FOXN3: variants seen among roughly 807,000 people sequenced by gnomAD.
FOXN3 encodes forkhead box N3, also known as forkhead box protein N3.
A neutral mutation model predicts 38.4 loss-of-function variants in FOXN3; 7 were observed. That is an observed-to-expected ratio of 0.18 (90% confidence interval 0.10 to 0.34). The LOEUF (loss-of-function observed/expected upper bound fraction) is 0.34, where lower values mean the gene tolerates loss of function less well. Ranked by LOEUF, FOXN3 falls within the 10% of genes least tolerant of loss-of-function variation. The pLI is 1.00. For missense variants in FOXN3, 456 were observed against 613.4 expected (o/e 0.74, Z 2.71); for synonymous variants, 230 against 242.2 (o/e 0.95, Z 0.47).
rs1408136720 is a variant in FOXN3 at position 89,357,147 on chromosome 14, C to CT, written c.544-6340dup. Among the ~76,000 whole-genome samples the CT allele has an allele frequency of 3.9e-5, 6 of 152,066 alleles. No individual in the cohort carries two copies. The East Asian group carries it at 1.2e-3, about 29-fold the overall frequency. ...AGAAGGACAGCATGAGTCCGGGAGT[C>CT]TGAGACCAGCCTGGGCAATACAGTG... is the stretch of plus-strand genomic sequence containing the variant. On this transcript the variant is annotated intron_variant, in intron 2 of 5. Coordinates refer to ENST00000557258, the MANE Select transcript of FOXN3 (RefSeq NM_005197.4).
At chr14:89,483,078 G>C (rs756031435) in intron 1 of FOXN3, among the ~76,000 whole-genome samples, 2 of 152,016 alleles carry the variant, frequency 1.3e-5, no homozygotes, top group African/African-American at 4.8e-5. Context: ...GTGGTGGCGC[G>C]CTTCTGTAAT....
intron 4 of FOXN3, among the ~76,000 whole-genome samples, chr14:89,241,964 C>A (rs1885153543): frequency 6.6e-6 from 1 of 152,212 alleles, no homozygotes; most frequent in Non-Finnish European, 1.5e-5. Context: ...CTCCCCCGGA[C>A]AAGGCGTCAG....
At chr14:89,423,476 A>G (rs529495806) in intron 1 of FOXN3, among the ~76,000 whole-genome samples, 6 of 152,332 alleles carry the variant, frequency 3.9e-5, no homozygotes, top group African/African-American at 1.4e-4. Flanking sequence ...TGTGTGTAAA[A>G]TCAGGGGTCA....
intron 2 of FOXN3, among the ~76,000 whole-genome samples, chr14:89,386,212 C>T (rs1890785649): frequency 6.6e-6 from 1 of 152,182 alleles, no homozygotes; most frequent in South Asian, 2.1e-4. Context: ...AATTAACCAA[C>T]CAAAAATTAT....
intron 4 of FOXN3, among the ~76,000 whole-genome samples, chr14:89,269,262 G>A (rs967956879): frequency 6.6e-6 from 1 of 152,060 alleles, no homozygotes; most frequent in Non-Finnish European, 1.5e-5. Flanking sequence ...TGTATGCTGC[G>A]GTGACCATGA....
At position 89,156,635 on chromosome 14, in the gene FOXN3, CTTTT is replaced by C. The variant is rs879747358; in HGVS notation, c.*5775_*5778del. On this transcript the variant is annotated 3_prime_UTR_variant, in exon 6 of 6. Coordinates refer to ENST00000557258, the MANE Select transcript of FOXN3 (RefSeq NM_005197.4). ...TCTTGGTCTTCTGATTGCTTTATCA[CTTTT>C]TTTTTTTTTCTGTAAAACAAAACAA... The C allele has an allele frequency of 4.1e-5, 6 of 145,246 alleles. No homozygotes were observed. Among genetic ancestry groups the C allele is most frequent in the Non-Finnish European group, 6.1e-5 (4 of 66,030 alleles). 9.0% of individuals were successfully genotyped at this position (145,246 alleles called of 1,614,324 possible). A position where few individuals can be genotyped will look rare whatever the true frequency, so the allele number is the denominator to read the frequency against.
intron 4 of FOXN3, among the ~76,000 whole-genome samples, chr14:89,254,103 T>C (rs1270123285): frequency 6.6e-6 from 1 of 152,174 alleles, no homozygotes; most frequent in Non-Finnish European, 1.5e-5. Flanking sequence ...GAGCAGGTAC[T>C]TGCCCCTGTG....
At chr14:89,416,162 A>G (rs1183441035) in intron 1 of FOXN3, among the ~76,000 whole-genome samples, 2 of 152,246 alleles carry the variant, frequency 1.3e-5, no homozygotes, top group South Asian at 2.1e-4. Flanking sequence ...ACTCTCGTCT[A>G]CTGTACTTGT....
At position 89,350,690 on chromosome 14, in the gene FOXN3, C is replaced by T; in HGVS notation, c.662G>A (p.Cys221Tyr). The T allele has an allele frequency of 1.3e-6, 2 of 1,553,806 alleles. No individual in the cohort carries two copies. Among genetic ancestry groups the T allele is most frequent in the Non-Finnish European group, 1.7e-6 (2 of 1,157,290 alleles). ...TGCTTACCTTTGATATGCCTGAGGA[C>T]AGGTGGGAGGTGTATTGAACACGTG... ...HPHVFNTPPT[C>Y]PQAYQSTSGP... Residue 221 changes from cysteine to tyrosine, a missense_variant, in exon 3 of 6, where the codon TGT becomes TAT. Transcript: ENST00000557258.
rs1018875073 is a variant in FOXN3, at chr14:89,407,725, C to G, written c.543+4209G>C. Among the ~76,000 whole-genome samples the G allele has an allele frequency of 5.9e-5, 9 of 152,160 alleles. No homozygotes were observed. In the South Asian group the frequency reaches 6.2e-4, roughly 11 times the overall value. On this transcript the variant is annotated intron_variant, in intron 2 of 5. Coordinates refer to ENST00000557258, the MANE Select transcript of FOXN3 (RefSeq NM_005197.4). ...ATGGTGGTATGTACTTGTAGTCCCC[C>G]CTTCGGAGGCTAAGGCTAAGGCTTG...
In FOXN3 at chr14:89,246,560, T is replaced by TTTTTTTC. The variant is rs397934554; in HGVS notation, c.745+34389_745+34390insGAAAAAA. On this transcript the variant is annotated intron_variant, in intron 4 of 5. Coordinates refer to ENST00000557258, the MANE Select transcript of FOXN3 (RefSeq NM_005197.4). The stretch of plus-strand genomic sequence containing the variant: ...GATGCGGCTTTTTTTTTTTTTTTTT[T>TTTTTTTC]GAGACAGTCTCACTCTGTTGCCAGG... Among the ~76,000 whole-genome samples the TTTTTTTC allele has an allele frequency of 2.0e-5, 3 of 148,238 alleles. No individual in the cohort carries two copies. In the Admixed American group the frequency reaches 2.0e-4, roughly 10 times the overall value.
chr14:89,619,068 T>G lies in FOXN3; in HGVS notation c.-55A>C, dbSNP rs1378041264. The G allele has an allele frequency of 3.3e-5, 5 of 152,322 alleles. No individual in the cohort carries two copies. The East Asian group carries it at 7.7e-4, about 24-fold the overall frequency. The allele number at this position is 152,322 out of a possible 1,614,324, so 9.4% of individuals were successfully genotyped here. A position where few individuals can be genotyped will look rare whatever the true frequency, so the allele number is the denominator to read the frequency against. On this transcript the variant is annotated 5_prime_UTR_variant, in exon 1 of 7. Transcript: ENST00000345097. ...CCCCCGCTGCTTCTCGCGGCCGCAT[T>G]GGGGGGCTGCGGCGACGCTGGACTC...
chr14:89,530,690 A>G (rs1233006105), intron 1 of FOXN3, among the ~76,000 whole-genome samples: 3 of 151,342 alleles, frequency 2.0e-5, no homozygotes, highest in Non-Finnish European at 4.4e-5. Flanking sequence ...GCTCACTGCA[A>G]CCTCCGTCTC....
chr14:89,352,943 C>T (rs879477396), intron 2 of FOXN3, among the ~76,000 whole-genome samples: 6 of 152,148 alleles, frequency 3.9e-5, no homozygotes, highest in East Asian at 1.9e-4. Context: ...GAGCGGAGAT[C>T]GCACCATTTG....
intron 1 of FOXN3, among the ~76,000 whole-genome samples, chr14:89,518,581 G>A (rs1199332839): frequency 6.6e-6 from 1 of 152,216 alleles, no homozygotes; most frequent in Non-Finnish European, 1.5e-5. Context: ...TTTGTTTGAA[G>A]GGGGTCTCTA....
At chr14:89,291,056 T>G (rs1177240621) in intron 3 of FOXN3, 1 of 485,566 alleles carries the variant, frequency 2.1e-6, no homozygotes, top group Non-Finnish European at 4.1e-6. Flanking sequence ...TGTTCACATA[T>G]GACCTCACCC....
intron 1 of FOXN3, among the ~76,000 whole-genome samples, chr14:89,573,297 G>T (rs962265625): frequency 2.0e-5 from 3 of 152,156 alleles, no homozygotes; most frequent in African/African-American, 7.2e-5. Flanking sequence ...GTCTGAATTG[G>T]AAATAGATTT....
intron 2 of FOXN3, among the ~76,000 whole-genome samples, chr14:89,386,516 C>A (rs1023851162): frequency 6.6e-6 from 1 of 152,248 alleles, no homozygotes; most frequent in African/African-American, 2.4e-5. Context: ...TAACCAACTT[C>A]TAAAGTGGTT....
chr14:89,514,242 AGAACAATG>A (rs1424123947), intron 1 of FOXN3, among the ~76,000 whole-genome samples: 1 of 152,198 alleles, frequency 6.6e-6, no homozygotes, highest in Non-Finnish European at 1.5e-5. Flanking sequence ...GCACAGGGCC[AGAACAATG>A]GAACAATCTT....
Sources: gnomAD v4.1 joint callset for allele counts (sites outside exome capture counted in the v4.1 genomes callset) on GRCh38, gnomAD v4.1.1 for gene constraint, MANE v1.5 for transcripts, NCBI Gene and HGNC (gene_info 2026-07-23, HGNC 2026-07-21) for gene names.